CDKAL1: variants seen among roughly 807,000 people sequenced by gnomAD.
The protein encoded by CDKAL1 is CDKAL1 threonylcarbamoyladenosine tRNA methylthiotransferase, also known as threonylcarbamoyladenosine tRNA methylthiotransferase.
Under a neutral mutation model 68.2 loss-of-function variants are expected in CDKAL1, and 32 were observed. That is an observed-to-expected ratio of 0.47 (90% confidence interval 0.35 to 0.63). The LOEUF is 0.63. Among genes scored for constraint, CDKAL1 ranks in the 30% least tolerant of loss-of-function variants. CDKAL1 has a pLI of 0.00. For missense variants in CDKAL1, 606 were observed against 696.7 expected (o/e 0.87, Z 1.47); for synonymous variants, 234 against 244.3 (o/e 0.96, Z 0.39).
intron 9 of CDKAL1, among the ~76,000 whole-genome samples, chr6:20,947,381 A>G (rs1292424145): frequency 6.6e-6 from 1 of 152,160 alleles, no homozygotes; most frequent in East Asian, 1.9e-4. Flanking sequence ...TTTTGAGTCC[A>G]GGAATTTGAG....
At chr6:20,699,209 T>C (rs1439800570) in intron 5 of CDKAL1, among the ~76,000 whole-genome samples, 1 of 152,116 alleles carries the variant, frequency 6.6e-6, no homozygotes, top group Non-Finnish European at 1.5e-5. Flanking sequence ...GAGGTGGTTT[T>C]GCAGACAGGT....
intron 9 of CDKAL1, among the ~76,000 whole-genome samples, chr6:20,863,420 C>A (rs1382513106): frequency 6.6e-6 from 1 of 151,874 alleles, no homozygotes; most frequent in Non-Finnish European, 1.5e-5. Context: ...CAGTAAAGAC[C>A]CCTTGGGTCT....
At chr6:21,187,279 G>A (rs1778054549) in intron 13 of CDKAL1, among the ~76,000 whole-genome samples, 1 of 152,124 alleles carries the variant, frequency 6.6e-6, no homozygotes, top group African/African-American at 2.4e-5. Context: ...ATATTATGAG[G>A]TATGTGACCT....
intron 10 of CDKAL1, among the ~76,000 whole-genome samples, chr6:20,978,898 C>T (rs1035174287): frequency 6.6e-6 from 1 of 152,194 alleles, no homozygotes; most frequent in African/African-American, 2.4e-5. Flanking sequence ...CTATCCTCCA[C>T]TCTTCCACTG....
intron 9 of CDKAL1, among the ~76,000 whole-genome samples, chr6:20,854,910 A>G (rs4236003): frequency 0.74 from 112,938 of 152,172 alleles, 44,409 homozygotes; most frequent in East Asian, 0.9. Context: ...GAAAATTGGA[A>G]CACAGGAAAG....
At chr6:20,569,251 G>A (rs893289756) in intron 4 of CDKAL1, among the ~76,000 whole-genome samples, 4 of 152,066 alleles carry the variant, frequency 2.6e-5, no homozygotes, top group Admixed American at 6.6e-5. Context: ...TATATTAATG[G>A]CCTTATTGGT....
At chr6:20,865,408 A>G (rs1759856849) in intron 9 of CDKAL1, among the ~76,000 whole-genome samples, 1 of 152,180 alleles carries the variant, frequency 6.6e-6, no homozygotes, top group African/African-American at 2.4e-5. Flanking sequence ...ATATTTCCCC[A>G]GACCTCAGTT....
At position 20,715,991 on chromosome 6, in the gene CDKAL1, C is replaced by T. The variant is rs561577137; in HGVS notation, c.372-23528C>T. On this transcript the variant is annotated intron_variant, in intron 5 of 15. Transcript: ENST00000274695. The stretch of plus-strand genomic sequence containing the variant: ...GTTTTTCTCAACTTAGGTAAGAAGA[C>T]GAATGAGAAGGTGAGAGACAGCTAG... Among the ~76,000 whole-genome samples the T allele has an allele frequency of 3.9e-5, 6 of 152,120 alleles. No individual in the cohort carries two copies. The East Asian group carries it at 5.8e-4, about 15-fold the overall frequency.
chr6:20,810,746 C>T (rs184326015), intron 8 of CDKAL1, among the ~76,000 whole-genome samples: 2 of 151,564 alleles, frequency 1.3e-5, no homozygotes, highest in East Asian at 3.9e-4. Flanking sequence ...AACATTGTCA[C>T]ATCTAAAATA....
At chr6:20,545,185 A>G (rs1763549738) in intron 2 of CDKAL1, among the ~76,000 whole-genome samples, 1 of 151,832 alleles carries the variant, frequency 6.6e-6, no homozygotes, top group African/African-American at 2.4e-5. Flanking sequence ...GGAACTCATC[A>G]TATTCCTTGG....
At chr6:20,599,685 G>A (rs918161710) in intron 4 of CDKAL1, among the ~76,000 whole-genome samples, 3 of 152,142 alleles carry the variant, frequency 2.0e-5, no homozygotes, top group Admixed American at 6.5e-5. Flanking sequence ...CTCAGGATAA[G>A]CCTGTGTTAG....
rs116219837 is a variant in CDKAL1 at position 20,618,851 on chromosome 6, G to A, written c.287-30442G>A. Among the ~76,000 whole-genome samples the A allele has an allele frequency of 5.5e-3, 842 of 152,012 alleles. 11 individuals are homozygous for A. Among genetic ancestry groups the A allele is most frequent in the African/African-American group, 0.02 (810 of 41,470 alleles). Reference sequence around the variant, plus strand: ...GTGCCACCACACCTACCTAATTTTTGTATTTTTTGTGGAGATGAGGTTTTG... The same window carrying A: ...GTGCCACCACACCTACCTAATTTTTATATTTTTTGTGGAGATGAGGTTTTG... On this transcript the variant is annotated intron_variant, in intron 4 of 15. Coordinates refer to ENST00000274695, the MANE Select transcript of CDKAL1 (RefSeq NM_017774.3).
intron 2 of CDKAL1, among the ~76,000 whole-genome samples, chr6:20,545,359 G>A (rs1221041706): frequency 7.2e-5 from 11 of 152,106 alleles, no homozygotes; most frequent in Non-Finnish European, 1.6e-4. Flanking sequence ...ATTTAGAAAA[G>A]TCGTATAGGA....
At chr6:20,609,279 C>CCTTCTCCTT (rs1554162637) in intron 4 of CDKAL1, among the ~76,000 whole-genome samples, 3 of 146,670 alleles carry the variant, frequency 2.0e-5, no homozygotes, top group African/African-American at 5.2e-5. Context: ...TCCTTCTCCT[C>CCTTCTCCTT]CTTCTCCTTC....
chr6:21,078,695 C>T (rs1772211767), intron 12 of CDKAL1, among the ~76,000 whole-genome samples: 1 of 152,128 alleles, frequency 6.6e-6, no homozygotes, highest in Non-Finnish European at 1.5e-5. Context: ...ATTCCTTCCT[C>T]GTCCTCTCAC....
intron 5 of CDKAL1, among the ~76,000 whole-genome samples, chr6:20,715,808 A>G (rs1480964773): frequency 6.6e-6 from 1 of 152,208 alleles, no homozygotes; most frequent in Non-Finnish European, 1.5e-5. Flanking sequence ...GTATTTCCTG[A>G]CTTTTCTCCT....
intron 13 of CDKAL1, among the ~76,000 whole-genome samples, chr6:21,190,666 C>G (rs760357434): frequency 6.6e-6 from 1 of 152,178 alleles, no homozygotes; most frequent in Non-Finnish European, 1.5e-5. Context: ...TGCGCCCGGG[C>G]TGATATGTGT....
At chr6:21,190,364 G>GTTTTTTT in intron 13 of CDKAL1, among the ~76,000 whole-genome samples, 1 of 150,948 alleles carries the variant, frequency 6.6e-6, no homozygotes, top group African/African-American at 2.4e-5. Flanking sequence ...TATGTGTGGG[G>GTTTTTTT]TTTTTTTTGT....
intron 13 of CDKAL1, among the ~76,000 whole-genome samples, chr6:21,160,631 A>G (rs760929315): frequency 8.2e-6 from 1 of 122,548 alleles, no homozygotes; most frequent in Admixed American, 9.0e-5. Flanking sequence ...TAATTTTTGG[A>G]CACAGACACA....
Sources: allele counts gnomAD v4.1 joint callset (sites outside exome capture counted in the v4.1 genomes callset), GRCh38; gene constraint gnomAD v4.1.1; transcripts MANE v1.5; gene names NCBI Gene and HGNC (gene_info 2026-07-23, HGNC 2026-07-21).